ABCA12: variants seen among roughly 807,000 people sequenced by gnomAD.
ABCA12 encodes the protein glucosylceramide transporter ABCA12.
Under a neutral mutation model 293.5 loss-of-function variants are expected in ABCA12, and 156 were observed. That is an observed-to-expected ratio of 0.53 (90% CI 0.47 to 0.61). The LOEUF (loss-of-function observed/expected upper bound fraction) is 0.61, where lower values mean the gene tolerates loss of function less well. ABCA12 is among the 20% of genes least tolerant of loss of function. ABCA12 has a pLI of 0.00. For synonymous variants in ABCA12, 1,063 were observed against 1,108.0 expected (o/e 0.96, Z 0.81); for missense variants, 2,797 against 3,090.2 (o/e 0.91, Z 2.25).
intron 1 of ABCA12, among the ~76,000 whole-genome samples, chr2:215,122,047 A>C (rs1196280256): frequency 1.3e-5 from 2 of 152,198 alleles, no homozygotes; most frequent in Non-Finnish European, 2.9e-5. Context: ...GAATCAAGAA[A>C]GTTTTGTGAA....
At chr2:215,076,734 C>A (rs1302335868) in intron 2 of ABCA12, among the ~76,000 whole-genome samples, 1 of 152,102 alleles carries the variant, frequency 6.6e-6, no homozygotes, top group Non-Finnish European at 1.5e-5. Flanking sequence ...CAAAAGACCA[C>A]AGACAAATAG....
intron 2 of ABCA12, among the ~76,000 whole-genome samples, chr2:215,110,016 T>C (rs1702538361): frequency 6.6e-6 from 1 of 152,244 alleles, no homozygotes; most frequent in Admixed American, 6.5e-5. Flanking sequence ...TGTAGAAATA[T>C]ATAAATGGAT....
intron 2 of ABCA12, among the ~76,000 whole-genome samples, chr2:215,096,683 TTTATA>T (rs1318611278): frequency 6.6e-6 from 1 of 152,186 alleles, no homozygotes; most frequent in Non-Finnish European, 1.5e-5. Flanking sequence ...CCCACTACTT[TTTATA>T]TTATAATTTC....
intron 9 of ABCA12, among the ~76,000 whole-genome samples, chr2:215,031,455 C>A (rs762127003): frequency 2.6e-5 from 4 of 152,092 alleles, no homozygotes; most frequent in Non-Finnish European, 5.9e-5. Context: ...GCTATAGCAG[C>A]CTGCACAGAG....
intron 2 of ABCA12, among the ~76,000 whole-genome samples, chr2:215,097,250 G>GT (rs922778706): frequency 4.6e-4 from 70 of 150,960 alleles, no homozygotes; most frequent in Non-Finnish European, 5.9e-4. Flanking sequence ...TATCCTATTA[G>GT]TTTTTTTTTG....
At chr2:215,033,923 G>A (rs565328230) in intron 8 of ABCA12, among the ~76,000 whole-genome samples, 19 of 151,712 alleles carry the variant, frequency 1.3e-4, no homozygotes, top group Middle Eastern at 3.4e-3. Context: ...CCTGGGCGAC[G>A]GAGTGAGACT....
At chr2:214,981,089 G>A (rs1699639880) in intron 30 of ABCA12, among the ~76,000 whole-genome samples, 1 of 146,236 alleles carries the variant, frequency 6.8e-6, no homozygotes, top group African/African-American at 2.5e-5. Flanking sequence ...CATCTCAAAG[G>A]GAAAAAAAAA....
At chr2:214,974,640 C>A (rs1699468228) in intron 35 of ABCA12, 138 bp downstream of exon 35, 1 of 820,846 alleles carries the variant, frequency 1.2e-6, no homozygotes, top group East Asian at 2.5e-5. Flanking sequence ...AGGAGATAGA[C>A]AAAATCTGTT....
chr2:214,944,095 T>A (rs1351229338), intron 49 of ABCA12, among the ~76,000 whole-genome samples: 2 of 152,026 alleles, frequency 1.3e-5, no homozygotes, highest in Non-Finnish European at 2.9e-5. Flanking sequence ...CTGGTAAGAT[T>A]AGAAGTTGGA....
At position 214,932,408 on chromosome 2, in the gene ABCA12, A is replaced by G. The variant is rs1419768567; in HGVS notation, c.*226T>C. The G allele has an allele frequency of 5.6e-6, 3 of 539,220 alleles. No individual in the cohort carries two copies. The African/African-American group carries it at 5.7e-5, about 10-fold the overall frequency. 33.4% of individuals were successfully genotyped at this position (539,220 alleles called of 1,614,324 possible). On this transcript the variant is annotated 3_prime_UTR_variant, in exon 53 of 53. Transcript: ENST00000272895. ...CACCAGCATATACATTAGCATGCTCACAGTGTTGAGTATACAGGAATTCAT... is the reference window on the plus strand; with the variant it reads ...CACCAGCATATACATTAGCATGCTCGCAGTGTTGAGTATACAGGAATTCAT...
intron 22 of ABCA12, among the ~76,000 whole-genome samples, chr2:214,999,378 C>G (rs1413970000): frequency 6.6e-6 from 1 of 152,166 alleles, no homozygotes; most frequent in Non-Finnish European, 1.5e-5. Flanking sequence ...GTTATATTAT[C>G]TTGGGCAAGT....
chr2:215,101,694 T>C (rs1029614193), intron 2 of ABCA12, among the ~76,000 whole-genome samples: 1 of 152,190 alleles, frequency 6.6e-6, no homozygotes, highest in Non-Finnish European at 1.5e-5. Flanking sequence ...ACTGAAAACC[T>C]TCATAGTACA....
intron 50 of ABCA12, among the ~76,000 whole-genome samples, chr2:214,939,708 T>C (rs1050420066): frequency 6.6e-6 from 1 of 152,198 alleles, no homozygotes; most frequent in Non-Finnish European, 1.5e-5. Flanking sequence ...TCCTAGGTAT[T>C]TTATTCTCTT....
At chr2:215,032,063 A>G (rs1184369698) in intron 8 of ABCA12, 167 bp from the exon 9 acceptor site, 2 of 1,478,374 alleles carry the variant, frequency 1.4e-6, no homozygotes, top group African/African-American at 2.8e-5. Flanking sequence ...TTTGTTGGAA[A>G]TATTTGTGAT....
In ABCA12 at chr2:215,138,340, G is replaced by A. The variant is rs1703276282; in HGVS notation, c.-132C>T. The A allele has an allele frequency of 1.0e-6, 1 of 959,662 alleles. No individual in the cohort carries two copies. The highest frequency in any genetic ancestry group is 1.8e-5 in the Admixed American group (1 of 56,192). The allele number at this position is 959,662 out of a possible 1,614,324, so 59.4% of individuals were successfully genotyped here. ...TCACGGCATAGCTTCCTTGAGGGCT[G>A]GGGTAAGAAACCCACAGTTCTTCTG... is the stretch of plus-strand genomic sequence containing the variant. On this transcript the variant is annotated 5_prime_UTR_variant, in exon 1 of 53. Transcript: ENST00000272895.
intron 9 of ABCA12, 117 bp downstream of exon 9, chr2:215,031,704 T>C (rs1700881356): frequency 8.0e-7 from 1 of 1,244,194 alleles, no homozygotes; most frequent in African/African-American, 1.5e-5. Flanking sequence ...GCTCAGTCAA[T>C]AGTTGATTTT....
chr2:215,014,491 C>T (rs1168845325), intron 15 of ABCA12, among the ~76,000 whole-genome samples: 1 of 152,110 alleles, frequency 6.6e-6, no homozygotes, highest in Non-Finnish European at 1.5e-5. Flanking sequence ...TTGTGCAGAT[C>T]ATAAGGCCCT....
Position 214,953,962 on chromosome 2 carries a change from G to A in ABCA12, c.6539C>T (p.Thr2180Ile), listed in dbSNP as rs1209683641. ...TGCACCTAGTTTATTCATCTCAAAG[G>A]TTTCATTTGGGTATTCCACTCCATA... ...KAYGVEYPNE[T>I]FEMNKLGAMF... Residue 2180 changes from threonine to isoleucine, a missense_variant, in exon 44 of 53, where the codon ACC (threonine) becomes ATC (isoleucine). Physicochemically the swap from Thr to Ile is moderately conservative, Grantham distance 89 (BLOSUM62 -1). Coordinates refer to ENST00000272895, the MANE Select transcript of ABCA12 (RefSeq NM_173076.3). The A allele has an allele frequency of 1.2e-6, 2 of 1,614,036 alleles. No individual in the cohort carries two copies. Among genetic ancestry groups the A allele is most frequent in the East Asian group, 2.2e-5 (1 of 44,846 alleles).
chr2:215,101,480 T>C (rs1275656656), intron 2 of ABCA12, among the ~76,000 whole-genome samples: 1 of 152,182 alleles, frequency 6.6e-6, no homozygotes, highest in African/African-American at 2.4e-5. Flanking sequence ...TTAGATCATT[T>C]TGATTGAGGT....
Sources: allele counts gnomAD v4.1 joint callset (sites outside exome capture counted in the v4.1 genomes callset), GRCh38; gene constraint gnomAD v4.1.1; transcripts MANE v1.5; gene names NCBI Gene and HGNC (gene_info 2026-07-23, HGNC 2026-07-21).